DAB2: variants seen among roughly 807,000 people sequenced by gnomAD.
DAB2 encodes the protein disabled homolog 2.
In DAB2, 28 loss-of-function variants were observed where a neutral mutation model predicts 71.6. The ratio of observed to expected loss-of-function variants is 0.39; its 90% CI spans 0.29 to 0.54. The LOEUF is 0.54. Ranked by LOEUF, DAB2 falls within the 20% of genes least tolerant of loss-of-function variation. The probability of loss-of-function intolerance (pLI) is 0.68; values close to 1 mark genes in which losing one functional copy is unlikely to be tolerated. For missense variants in DAB2, 867 were observed against 928.8 expected (o/e 0.93, Z 0.86); for synonymous variants, 345 against 339.7 (o/e 1.02, Z -0.17).
Position 39,379,326 on chromosome 5 carries a change from G to T in DAB2, c.1505-2044C>A, listed in dbSNP as rs1169202646. ...AAATTAGCTGGGTGTGGTGGCGCAT[G>T]CCTGTAATCCCAGCTACTAGAGAGG... On this transcript the variant is annotated intron_variant, in intron 11 of 14. Transcript: ENST00000320816. Among the ~76,000 whole-genome samples, 3 of 151,092 alleles carry T rather than the reference G, an allele frequency of 2.0e-5. No homozygotes were observed. The Admixed American group carries it at 2.0e-4, about 10-fold the overall frequency.
chr5:39,386,971 A>G (rs1755111068), intron 9 of DAB2, among the ~76,000 whole-genome samples: 1 of 152,188 alleles, frequency 6.6e-6, no homozygotes, highest in Admixed American at 6.5e-5. Flanking sequence ...AACAAAAATT[A>G]TGAAGAATGA....
chr5:39,419,720 A>T (rs147580312), intron 1 of DAB2, among the ~76,000 whole-genome samples: 1 of 152,198 alleles, frequency 6.6e-6, no homozygotes, highest in African/African-American at 2.4e-5. Flanking sequence ...CTAATAAATG[A>T]AGATTAATTA....
chr5:39,389,746 A>T, intron 6 of DAB2, 106 bp downstream of exon 6: 1 of 637,840 alleles, frequency 1.6e-6, no homozygotes, highest in Non-Finnish European at 2.7e-6. Context: ...TCCTGACCTC[A>T]GGTGATCCAC....
chr5:39,391,146 G>C (rs62358404), intron 4 of DAB2, among the ~76,000 whole-genome samples: 4,022 of 152,246 alleles, frequency 0.026, 84 homozygotes, highest in South Asian at 0.085. Context: ...AATAACTACA[G>C]TATGTTAATG....
At chr5:39,411,033 G>C (rs915087424) in intron 1 of DAB2, among the ~76,000 whole-genome samples, 1 of 151,964 alleles carries the variant, frequency 6.6e-6, no homozygotes, top group Non-Finnish European at 1.5e-5. Flanking sequence ...TGGGATAAGG[G>C]TTCTTCTTTC....
chr5:39,409,296 C>G (rs557408753), intron 1 of DAB2, among the ~76,000 whole-genome samples: 1 of 152,196 alleles, frequency 6.6e-6, no homozygotes, highest in Admixed American at 6.5e-5. Flanking sequence ...TAAATAAATG[C>G]ACTTTTAAAC....
At chr5:39,381,115 A>G (rs149342084) in intron 11 of DAB2, among the ~76,000 whole-genome samples, 164 of 152,352 alleles carry the variant, frequency 1.1e-3, no homozygotes, top group African/African-American at 3.7e-3. Context: ...TTGACAGACA[A>G]GCCTCTCTTA....
At chr5:39,424,366 G>C (rs1043314044) in intron 1 of DAB2, among the ~76,000 whole-genome samples, 2 of 151,952 alleles carry the variant, frequency 1.3e-5, no homozygotes, top group Admixed American at 1.3e-4. Flanking sequence ...GCACAAGCCA[G>C]GTCCCCAGCC....
intron 1 of DAB2, among the ~76,000 whole-genome samples, chr5:39,395,758 G>C (rs1014844238): frequency 2.0e-5 from 3 of 152,160 alleles, no homozygotes; most frequent in Middle Eastern, 3.4e-3. Context: ...GAGACAGTCT[G>C]TTTACAGATG....
chr5:39,411,984 A>G (rs1277902201), intron 1 of DAB2, among the ~76,000 whole-genome samples: 1 of 152,156 alleles, frequency 6.6e-6, no homozygotes, highest in Non-Finnish European at 1.5e-5. Flanking sequence ...GCAAAGTTCT[A>G]CTTTTAGAGT....
At position 39,377,062 on chromosome 5, in the gene DAB2, A is replaced by C; in HGVS notation, c.1725T>G (p.Pro575=). 1 of 1,614,146 alleles carries C rather than the reference A, an allele frequency of 6.2e-7. No individual in the cohort carries two copies. The highest frequency in any genetic ancestry group is 1.3e-5 in the African/African-American group (1 of 75,028). Residue 575 remains proline, a synonymous_variant, in exon 12 of 15, where the codon CCT becomes CCG. Transcript: ENST00000320816. ...AAGCATTGGGTGCCACAGATGCAGA[A>C]GGGCCCCAGACAACAGGCACTGGAG... The part of the protein sequence containing the change: ...TPPPVPVVWG[P]SASVAPNAWS...
intron 10 of DAB2, among the ~76,000 whole-genome samples, chr5:39,381,897 T>C (rs1754988502): frequency 6.6e-6 from 1 of 152,194 alleles, no homozygotes. Context: ...ATTGGTCTGG[T>C]CTCATCGCTA....
intron 1 of DAB2, among the ~76,000 whole-genome samples, chr5:39,406,576 A>G (rs2112090659): frequency 6.6e-6 from 1 of 152,344 alleles, no homozygotes; most frequent in South Asian, 2.1e-4. Context: ...AAGGCTTGGT[A>G]TTTCTAGTTT....
chr5:39,374,324 A>T (rs1204221054), intron 14 of DAB2, among the ~76,000 whole-genome samples: 1 of 152,058 alleles, frequency 6.6e-6, no homozygotes, highest in Non-Finnish European at 1.5e-5. Flanking sequence ...TTTTGAGATC[A>T]GAATAAAGTT....
intron 12 of DAB2, 48 bp downstream of exon 12, chr5:39,376,602 C>A: frequency 6.3e-7 from 1 of 1,590,154 alleles, no homozygotes; most frequent in Non-Finnish European, 8.6e-7. Context: ...GTCCATGTGG[C>A]AGTGGAGATA....
chr5:39,394,439 A>G lies in DAB2; in HGVS notation c.-101-18T>C. ...ACAGACACCTGTAGGCAGAGTTTAG[A>G]GGCATATTGAGATCAGAACACAGCA... On this transcript the variant is annotated intron_variant, in intron 1 of 14. Transcript: ENST00000320816. The G allele has an allele frequency of 1.3e-6, 1 of 747,380 alleles. No homozygotes were observed. 46.3% of individuals were successfully genotyped at this position (747,380 alleles called of 1,614,324 possible).
At chr5:39,393,185 G>T in intron 3 of DAB2, 69 bp downstream of exon 3, 1 of 1,498,822 alleles carries the variant, frequency 6.7e-7, no homozygotes, top group Non-Finnish European at 9.2e-7. Context: ...GTCAACAAGA[G>T]CTTCTAATAT....
At position 39,388,867 on chromosome 5, in the gene DAB2, A is replaced by T; in HGVS notation, c.571-15T>A. The T allele has an allele frequency of 6.2e-7, 1 of 1,606,306 alleles. No homozygotes were observed. The highest frequency in any genetic ancestry group is 8.5e-7 in the Non-Finnish European group (1 of 1,172,974). ...TCACTCCCATTCTGAAAAGATAGCA[A>T]ATATTTAAGGATTTAGTTGAGCTTT... On this transcript the variant is annotated splice_polypyrimidine_tract_variant and intron_variant, in intron 7 of 14. Coordinates refer to ENST00000320816, the MANE Select transcript of DAB2 (RefSeq NM_001343.4).
intron 12 of DAB2, among the ~76,000 whole-genome samples, chr5:39,376,322 C>A (rs1226076063): frequency 2.0e-5 from 3 of 152,164 alleles, no homozygotes; most frequent in African/African-American, 7.2e-5. Context: ...GATTCAGAAT[C>A]CCCTCATTTT....
Sources: gnomAD v4.1 joint callset for allele counts (sites outside exome capture counted in the v4.1 genomes callset) on GRCh38, gnomAD v4.1.1 for gene constraint, MANE v1.5 for transcripts, NCBI Gene and HGNC (gene_info 2026-07-23, HGNC 2026-07-21) for gene names.